The following KMT2E variants were observed in gnomAD, a reference collection of about 807,000 sequenced individuals.
KMT2E encodes lysine methyltransferase 2E (inactive), also known as histone reader KMT2E.
In KMT2E, 30 loss-of-function variants were observed where a neutral mutation model predicts 184.6. That is an observed-to-expected ratio of 0.16 (90% CI 0.12 to 0.22). The LOEUF (loss-of-function observed/expected upper bound fraction) is 0.22. Among genes scored for constraint, KMT2E ranks in the 10% least tolerant of loss-of-function variants. KMT2E has a pLI of 1.00. For missense variants in KMT2E, 2,023 were observed against 2,237.4 expected (o/e 0.90, Z 1.93); for synonymous variants, 815 against 776.5 (o/e 1.05, Z -0.82).
At chr7:105,080,506 AT>A (rs1266426351) in intron 12 of KMT2E, among the ~76,000 whole-genome samples, 1 of 151,696 alleles carries the variant, frequency 6.6e-6, no homozygotes, top group Non-Finnish European at 1.5e-5. Context: ...AGTAGCTGGG[AT>A]TATAGGCATG....
chr7:105,085,969 G>T (rs1403844311), intron 13 of KMT2E, among the ~76,000 whole-genome samples: 1 of 152,034 alleles, frequency 6.6e-6, no homozygotes, highest in African/African-American at 2.4e-5. Flanking sequence ...ACCACCACCG[G>T]CCCTTTAATT....
chr7:105,063,820 A>G (rs572327877), intron 5 of KMT2E: 9 of 503,522 alleles, frequency 1.8e-5, no homozygotes, highest in African/African-American at 1.4e-4. Flanking sequence ...GTAGGATCAC[A>G]TTTTTCTGTT....
At chr7:105,082,228 A>T (rs1797784616) in intron 13 of KMT2E, among the ~76,000 whole-genome samples, 1 of 152,206 alleles carries the variant, frequency 6.6e-6, no homozygotes, top group Non-Finnish European at 1.5e-5. Flanking sequence ...GATCCTACAA[A>T]GAAACTCTAA....
At chr7:105,110,995 CT>C in intron 26 of KMT2E, 127 bp downstream of exon 26, 1 of 662,416 alleles carries the variant, frequency 1.5e-6, no homozygotes, top group South Asian at 1.9e-5. Flanking sequence ...GACACTTTTC[CT>C]GTCAGAAATA....
At position 105,101,950 on chromosome 7, in the gene KMT2E, G is replaced by A; in HGVS notation, c.1952G>A (p.Arg651Lys). 6.2e-7 allele frequency: 1 copy of A among 1,613,788 alleles called. No homozygotes were observed. ...GCCAAAGTAAATAGAACTAAACAGAGAAAAAGTTTTTCTCGGAGTAGGACT... is the reference window on the plus strand; with the variant it reads ...GCCAAAGTAAATAGAACTAAACAGAAAAAAAGTTTTTCTCGGAGTAGGACT... ...TPAKVNRTKQ[R>K]KSFSRSRTHI... Residue 651 changes from arginine (R) to lysine (K), a missense_variant, in exon 17 of 27, where the codon AGA becomes AAA. Arg to Lys is a conservative substitution (Grantham distance 26). Around this residue, in one of 8 missense-constraint regions of KMT2E, gnomAD observed 514 missense variants for 621.8 expected, o/e 0.83. Transcript: ENST00000311117.
chr7:105,074,145 C>A (rs1329227426), intron 7 of KMT2E, among the ~76,000 whole-genome samples: 1 of 151,516 alleles, frequency 6.6e-6, no homozygotes, highest in Non-Finnish European at 1.5e-5. Context: ...ATAATTTATT[C>A]AACTATTCCT....
chr7:105,081,944 G>T (rs538156543), intron 13 of KMT2E, 147 bp downstream of exon 13: 1 of 482,128 alleles, frequency 2.1e-6, no homozygotes, highest in South Asian at 3.6e-5. Context: ...CAGAAGTTTA[G>T]TATCAGCCTC....
chr7:105,088,431 G>T (rs559715575), intron 13 of KMT2E, among the ~76,000 whole-genome samples: 33 of 152,162 alleles, frequency 2.2e-4, no homozygotes, highest in South Asian at 6.2e-4. Flanking sequence ...TAGGAAGTTG[G>T]ATTTGAATCT....
At chr7:105,052,092 A>G (rs1796375365) in intron 3 of KMT2E, among the ~76,000 whole-genome samples, 1 of 152,204 alleles carries the variant, frequency 6.6e-6, no homozygotes, top group Non-Finnish European at 1.5e-5. Flanking sequence ...AAAAGCTTCC[A>G]GTGACTTTCT....
chr7:105,039,781 A>G (rs548203480), intron 2 of KMT2E, among the ~76,000 whole-genome samples: 7 of 152,142 alleles, frequency 4.6e-5, no homozygotes, highest in Non-Finnish European at 1.0e-4. Flanking sequence ...TATTTCAGGT[A>G]TTACATTACA....
chr7:105,079,853 TA>T (rs1290793260), intron 12 of KMT2E, among the ~76,000 whole-genome samples: 5 of 150,634 alleles, frequency 3.3e-5, no homozygotes, highest in African/African-American at 4.9e-5. Context: ...TTATTATTAT[TA>T]TTTTTGAGGC....
Position 105,090,289 on chromosome 7 carries a change from C to A in KMT2E, c.1623+16C>A. The stretch of plus-strand genomic sequence containing the variant: ...AAATAATCAGGTACTGAACTCTGCT[C>A]TCAATGAAATTGAATAAACAAAGGA... On this transcript the variant is annotated intron_variant, in intron 14 of 26. Coordinates refer to ENST00000311117, the MANE Select transcript of KMT2E (RefSeq NM_182931.3). The A allele has an allele frequency of 1.3e-6, 2 of 1,570,398 alleles. No homozygotes were observed. Among genetic ancestry groups the A allele is most frequent in the South Asian group, 1.2e-5 (1 of 83,350 alleles).
rs541493300 is a variant in KMT2E at position 105,105,579 on chromosome 7, C to T, written c.2337C>T (p.Tyr779=). ...TCAATTCTTTACCAGGTCTCACTTA[C>T]AGCCCCCATGTATACTCCACTCCTA... The part of the protein sequence containing the change: ...TQLNSLPGLT[Y]SPHVYSTPKH... Residue 779 remains tyrosine (Y), a synonymous_variant, in exon 18 of 27, where the codon TAC becomes TAT. Coordinates refer to ENST00000311117, the MANE Select transcript of KMT2E (RefSeq NM_182931.3). 1.4e-5 allele frequency: 23 copies of T among 1,613,982 alleles called. No homozygotes were observed. The East Asian group carries it at 4.5e-4, about 31-fold the overall frequency.
intron 13 of KMT2E, among the ~76,000 whole-genome samples, chr7:105,085,208 A>C (rs1374410864): frequency 6.6e-6 from 1 of 152,250 alleles, no homozygotes; most frequent in East Asian, 1.9e-4. Flanking sequence ...AGCAGTATGG[A>C]AACTTGTTTC....
chr7:105,095,699 A>T (rs922925428), intron 15 of KMT2E, among the ~76,000 whole-genome samples: 1 of 152,102 alleles, frequency 6.6e-6, no homozygotes, highest in Admixed American at 6.5e-5. Context: ...AGTTATGTGG[A>T]ACTGCATGGT....
chr7:105,062,398 A>G (rs1387866610), intron 4 of KMT2E, 120 bp downstream of exon 4: 7 of 555,688 alleles, frequency 1.3e-5, no homozygotes, highest in Admixed American at 3.4e-5. Flanking sequence ...TACTATCAAA[A>G]TAATTAGGCG....
intron 6 of KMT2E, among the ~76,000 whole-genome samples, chr7:105,072,696 A>T (rs958633907): frequency 6.6e-6 from 1 of 152,212 alleles, no homozygotes; most frequent in South Asian, 2.1e-4. Flanking sequence ...TGGGCAGATC[A>T]CCTTAGGCCA....
chr7:105,093,408 G>A (rs1432451014), intron 15 of KMT2E, among the ~76,000 whole-genome samples: 1 of 152,084 alleles, frequency 6.6e-6, no homozygotes, highest in Non-Finnish European at 1.5e-5. Flanking sequence ...TTTGCTGGGC[G>A]CGGTGGCTCA....
At chr7:105,064,202 G>T in intron 5 of KMT2E, 1 of 298,466 alleles carries the variant, frequency 3.4e-6, no homozygotes, top group Non-Finnish European at 6.4e-6. Context: ...TGACTGGGGG[G>T]AAGGATTTGG....
Sources: allele counts gnomAD v4.1 joint callset (sites outside exome capture counted in the v4.1 genomes callset), GRCh38; gene constraint gnomAD v4.1.1; regional missense constraint gnomAD v4.1.1; transcripts MANE v1.5; gene names NCBI Gene and HGNC (gene_info 2026-07-23, HGNC 2026-07-21).